Variants in PDCD4 observed in about 807,000 individuals in gnomAD.
PDCD4 encodes the protein programmed cell death protein 4.
Under a neutral mutation model 54.0 loss-of-function variants are expected in PDCD4, and 56 were observed. The ratio of observed to expected loss-of-function variants is 1.04; its 90% CI spans 0.84 to 1.30. The LOEUF is 1.30. Among genes scored for constraint, PDCD4 ranks in the 50% most tolerant of loss-of-function variants. The pLI, the probability that PDCD4 is intolerant of heterozygous loss-of-function variation, is 0.00. For missense variants in PDCD4, 584 were observed against 559.8 expected, an observed-to-expected ratio of 1.04 and a Z score of -0.44; for synonymous variants, 186 against 194.8, an observed-to-expected ratio of 0.95 and a Z score of 0.37.
intron 7 of PDCD4, 47 bp from the exon 8 acceptor site, chr10:110,890,509 T>G (rs762395242): frequency 1.9e-6 from 2 of 1,060,392 alleles, no homozygotes; most frequent in Non-Finnish European, 2.8e-6. Context: ...TTAGTAAACT[T>G]TAGGTATGTC....
At chr10:110,874,769 T>G (rs1201633333) in intron 1 of PDCD4, among the ~76,000 whole-genome samples, 1 of 152,128 alleles carries the variant, frequency 6.6e-6, no homozygotes, top group Non-Finnish European at 1.5e-5. Context: ...GGCTATAAAC[T>G]TATGTTAGCA....
intron 8 of PDCD4, among the ~76,000 whole-genome samples, chr10:110,892,769 A>G (rs1015719221): frequency 6.6e-5 from 10 of 152,170 alleles, no homozygotes; most frequent in Non-Finnish European, 1.5e-4. Context: ...CAGTGTTTAT[A>G]AAGTGCATAG....
Position 110,887,874 on chromosome 10 carries a change from T to C in PDCD4, c.765T>C (p.Pro255=). The change falls in exon 6 of 12, where the codon CCT becomes CCC. Residue 255 remains proline (P), a synonymous_variant. Coordinates refer to ENST00000280154, the MANE Select transcript of PDCD4 (RefSeq NM_014456.5). ...TACCTGAATTAGCACTGGATACTCC[T>C]AGAGCACCACAGGTTTGTATGATTC... The part of the protein sequence containing the change: ...KDLPELALDT[P]RAPQLVGQFI... 3 of 1,599,356 alleles carry C rather than the reference T, an allele frequency of 1.9e-6. No homozygotes were observed. The highest frequency in any genetic ancestry group is 1.7e-6 in the Non-Finnish European group (2 of 1,166,710).
chr10:110,889,663 A>C, intron 7 of PDCD4, 33 bp downstream of exon 7: 1 of 1,143,012 alleles, frequency 8.7e-7, no homozygotes, highest in Non-Finnish European at 1.3e-6. Context: ...TTAGAATTTC[A>C]AAATAGGGGA....
intron 5 of PDCD4, among the ~76,000 whole-genome samples, chr10:110,887,342 A>G (rs574607038): frequency 1.3e-5 from 2 of 152,286 alleles, no homozygotes; most frequent in South Asian, 4.1e-4. Flanking sequence ...ATGATTGCAC[A>G]CTGATGAAAT....
intron 3 of PDCD4, 75 bp from the exon 4 acceptor site, chr10:110,882,927 TC>T: frequency 1.1e-6 from 1 of 938,694 alleles, no homozygotes; most frequent in South Asian, 1.4e-5. Context: ...TTGTTTAACA[TC>T]GGAACATTTT....
chr10:110,875,972 A>T lies in PDCD4; in HGVS notation c.-56A>T. The T allele has an allele frequency of 7.4e-7, 1 of 1,342,544 alleles. No individual in the cohort carries two copies. The allele number at this position is 1,342,544 out of a possible 1,614,324, so 83.2% of individuals were successfully genotyped here. A position where few individuals can be genotyped will look rare whatever the true frequency, so the allele number is the denominator to read the frequency against. On this transcript the variant is annotated 5_prime_UTR_variant, in exon 2 of 12. Coordinates refer to ENST00000280154, the MANE Select transcript of PDCD4 (RefSeq NM_014456.5). ...TTTTCTTTTAAAAAAACAGATTCTG[A>T]AGGAAGATTTCCATTAGGTAATTTG... is the stretch of plus-strand genomic sequence containing the variant.
At chr10:110,892,532 A>G (rs989613088) in intron 8 of PDCD4, among the ~76,000 whole-genome samples, 1 of 152,216 alleles carries the variant, frequency 6.6e-6, no homozygotes. Flanking sequence ...TAATACTTCT[A>G]AAGTTATGTA....
At chr10:110,875,677 A>T (rs1845492281) in intron 1 of PDCD4, among the ~76,000 whole-genome samples, 2 of 152,158 alleles carry the variant, frequency 1.3e-5, no homozygotes, top group Non-Finnish European at 2.9e-5. Flanking sequence ...CTTGACGTAA[A>T]CATGTATCAC....
At position 110,876,062 on chromosome 10, in the gene PDCD4, AC is replaced by A. The variant is rs1277430849; in HGVS notation, c.38del (p.Pro13LeufsTer7). ...DVENEQILNV[N>X]PADPDNLSDS... ...GAAAATGAGCAGATACTGAATGTAA[AC>A]CCTGCAGGTAAGTAAGGATATCCTT... On this transcript the variant is annotated frameshift_variant, in exon 2 of 12. Transcript: ENST00000280154. LOFTEE classifies it high-confidence loss of function. 6.2e-7 allele frequency: 1 copy of A among 1,609,806 alleles called. No individual in the cohort carries two copies. The highest frequency in any genetic ancestry group is 8.5e-7 in the Non-Finnish European group (1 of 1,177,634).
chr10:110,876,748 C>A, intron 2 of PDCD4: 2 of 1,188,408 alleles, frequency 1.7e-6, no homozygotes, highest in South Asian at 1.9e-5. Context: ...GAATAGATGA[C>A]CAAATGTGAG....
chr10:110,890,045 C>T (rs1485313056), intron 7 of PDCD4, among the ~76,000 whole-genome samples: 1 of 152,140 alleles, frequency 6.6e-6, no homozygotes, highest in Non-Finnish European at 1.5e-5. Flanking sequence ...AAATCTTAGT[C>T]AGAAAGTATC....
At chr10:110,882,661 A>T (rs1193304131) in intron 3 of PDCD4, among the ~76,000 whole-genome samples, 1 of 152,114 alleles carries the variant, frequency 6.6e-6, no homozygotes, top group African/African-American at 2.4e-5. Context: ...TTTTTGTCTT[A>T]GTCTCAAAGA....
At chr10:110,875,874 G>A (rs551254399) in intron 1 of PDCD4, 92 bp from the exon 2 acceptor site, 2 of 466,138 alleles carry the variant, frequency 4.3e-6, no homozygotes, top group Non-Finnish European at 7.7e-6. Flanking sequence ...GTTGTCGTTT[G>A]TTTTTACAGT....
intron 1 of PDCD4, among the ~76,000 whole-genome samples, chr10:110,872,460 C>T (rs1417709561): frequency 1.3e-5 from 2 of 152,230 alleles, no homozygotes; most frequent in Non-Finnish European, 1.5e-5. Flanking sequence ...CTCCCCGCCC[C>T]CTGCCCTCCC....
intron 2 of PDCD4, chr10:110,876,610 A>G (rs1845509372): frequency 2.1e-6 from 1 of 484,042 alleles, no homozygotes. Context: ...TGTAATATAA[A>G]CTTACTGGTA....
intron 1 of PDCD4, among the ~76,000 whole-genome samples, chr10:110,872,643 C>T (rs1292792502): frequency 1.3e-5 from 2 of 152,210 alleles, no homozygotes; most frequent in African/African-American, 4.8e-5. Context: ...GCGCGCTATC[C>T]TCGCCGGGGG....
intron 8 of PDCD4, among the ~76,000 whole-genome samples, chr10:110,892,761 G>A (rs1845775206): frequency 6.6e-6 from 1 of 152,098 alleles, no homozygotes; most frequent in African/African-American, 2.4e-5. Flanking sequence ...TAAGTATACA[G>A]TGTTTATAAA....
chr10:110,889,786 T>TA, intron 7 of PDCD4, among the ~76,000 whole-genome samples, 156 bp downstream of exon 7: 1 of 152,202 alleles, frequency 6.6e-6, no homozygotes, highest in Non-Finnish European at 1.5e-5. Flanking sequence ...ATTGGCATGA[T>TA]ATACCAGGAA....
Sources: allele counts gnomAD v4.1 joint callset (sites outside exome capture counted in the v4.1 genomes callset), GRCh38; gene constraint gnomAD v4.1.1; transcripts MANE v1.5; gene names NCBI Gene and HGNC (gene_info 2026-07-23, HGNC 2026-07-21).